The following SLC27A6 variants were observed in gnomAD, a reference collection of about 807,000 sequenced individuals.
SLC27A6 encodes the protein long-chain fatty acid transport protein 6.
Under a neutral mutation model 63.9 loss-of-function variants are expected in SLC27A6, and 74 were observed. That is an observed-to-expected ratio of 1.16 (90% confidence interval 0.96 to 1.40). SLC27A6 has a LOEUF of 1.40. SLC27A6 is among the 40% of genes most tolerant of loss of function. The pLI is 0.00. For synonymous variants in SLC27A6, 287 were observed against 260.8 expected, an observed-to-expected ratio of 1.10 and a Z score of -0.97; for missense variants, 794 against 732.9, an observed-to-expected ratio of 1.08 and a Z score of -0.96.
At chr5:128,999,957 C>T (rs2150141359) in intron 4 of SLC27A6, among the ~76,000 whole-genome samples, 1 of 152,270 alleles carries the variant, frequency 6.6e-6, no homozygotes, top group East Asian at 1.9e-4. Context: ...CCAAAAATGG[C>T]TGGAGAGCAG....
chr5:129,008,865 ATT>A (rs777633985), intron 4 of SLC27A6, among the ~76,000 whole-genome samples: 7,488 of 122,696 alleles, frequency 0.061, 204 homozygotes, highest in Non-Finnish European at 0.08. Context: ...TTTTCAATTG[ATT>A]TTTTTTTTTT....
intron 4 of SLC27A6, among the ~76,000 whole-genome samples, chr5:128,995,332 T>C (rs1197402959): frequency 6.6e-6 from 1 of 152,176 alleles, no homozygotes; most frequent in African/African-American, 2.4e-5. Context: ...CCTCATTCAT[T>C]CATTCATTCA....
chr5:129,025,339 G>A (rs768595722), intron 6 of SLC27A6, among the ~76,000 whole-genome samples: 15 of 151,944 alleles, frequency 9.9e-5, no homozygotes, highest in Non-Finnish European at 1.9e-4. Context: ...AAAAAAAAAC[G>A]TAAGTTTTAA....
At chr5:129,030,785 A>G (rs1014645346) in intron 9 of SLC27A6, among the ~76,000 whole-genome samples, 1 of 152,106 alleles carries the variant, frequency 6.6e-6, no homozygotes, top group Non-Finnish European at 1.5e-5. Context: ...GGATGTTAAC[A>G]TAATCTACCC....
At chr5:129,002,098 T>C (rs1175726533) in intron 4 of SLC27A6, among the ~76,000 whole-genome samples, 1 of 152,202 alleles carries the variant, frequency 6.6e-6, no homozygotes, top group Non-Finnish European at 1.5e-5. Context: ...GGGAAATATC[T>C]ATTGAAATCC....
chr5:129,005,526 A>G (rs1038877869), intron 4 of SLC27A6, among the ~76,000 whole-genome samples: 8 of 151,850 alleles, frequency 5.3e-5, no homozygotes, highest in African/African-American at 1.9e-4. Context: ...TTTGTGGGTT[A>G]TACTGTCTTT....
intron 4 of SLC27A6, among the ~76,000 whole-genome samples, chr5:129,003,967 C>CA (rs779667758): frequency 0.15 from 10,236 of 68,812 alleles, 926 homozygotes; most frequent in African/African-American, 0.31. Context: ...GACCCTGTCT[C>CA]AAAAAAAAAA....
intron 1 of SLC27A6, among the ~76,000 whole-genome samples, chr5:128,968,088 A>G (rs1363413703): frequency 6.6e-6 from 1 of 152,200 alleles, no homozygotes; most frequent in Non-Finnish European, 1.5e-5. Flanking sequence ...AAAGGACATG[A>G]ACTCATCCTT....
chr5:129,007,510 G>A (rs940065109), intron 4 of SLC27A6, among the ~76,000 whole-genome samples: 5 of 148,266 alleles, frequency 3.4e-5, no homozygotes, highest in Non-Finnish European at 6.0e-5. Context: ...ACAAATGCTC[G>A]TAACTATTTT....
intron 6 of SLC27A6, among the ~76,000 whole-genome samples, chr5:129,024,660 T>C (rs1752178159): frequency 6.6e-6 from 1 of 152,148 alleles, no homozygotes; most frequent in South Asian, 2.1e-4. Flanking sequence ...TTCAATTAAC[T>C]TGCTGCTGCA....
chr5:129,006,039 A>G (rs548671455), intron 4 of SLC27A6, among the ~76,000 whole-genome samples: 156 of 142,504 alleles, frequency 1.1e-3, no homozygotes, highest in African/African-American at 4.0e-3. Context: ...TATGTATTCC[A>G]TATAGGTAAA....
At chr5:128,975,652 T>C (rs1245574304) in intron 1 of SLC27A6, among the ~76,000 whole-genome samples, 1 of 152,190 alleles carries the variant, frequency 6.6e-6, no homozygotes, top group Non-Finnish European at 1.5e-5. Flanking sequence ...TTGACCAAAA[T>C]ATCATTATCA....
intron 1 of SLC27A6, among the ~76,000 whole-genome samples, chr5:128,979,782 A>T (rs1750521339): frequency 6.6e-6 from 1 of 152,242 alleles, no homozygotes; most frequent in Admixed American, 6.5e-5. Flanking sequence ...AAATGTGGGA[A>T]CAACTGAGAG....
intron 9 of SLC27A6, among the ~76,000 whole-genome samples, chr5:129,031,045 G>GT (rs921199316): frequency 2.0e-5 from 3 of 151,766 alleles, no homozygotes; most frequent in Non-Finnish European, 4.4e-5. Context: ...TATTTTAAGA[G>GT]TTTTTTTCCA....
At chr5:129,031,773 A>G (rs1048945315) in intron 9 of SLC27A6, among the ~76,000 whole-genome samples, 21 of 151,998 alleles carry the variant, frequency 1.4e-4, no homozygotes, top group Non-Finnish European at 2.2e-4. Flanking sequence ...TACTTTGTAT[A>G]ATATTAAGCT....
intron 4 of SLC27A6, among the ~76,000 whole-genome samples, chr5:129,012,417 C>T (rs1751756139): frequency 6.6e-6 from 1 of 151,398 alleles, no homozygotes; most frequent in Middle Eastern, 3.4e-3. Context: ...GTTTCATGGC[C>T]ACTTGAAAAA....
rs912465439 is a variant in SLC27A6 at position 128,988,692 on chromosome 5, T to C, written c.778T>C (p.Tyr260His). The part of the protein sequence containing the change: ...AFGCTAHDIV[Y>H]ITLPLYHSSA... ...TGGTTGTACTGCTCATGACATTGTT[T>C]ATATAACCCTTCCTCTGTATCATAG... Residue 260 changes from tyrosine to histidine, a missense_variant, in exon 3 of 10, where the codon TAT (tyrosine) becomes CAT (histidine). Coordinates refer to ENST00000262462, the MANE Select transcript of SLC27A6 (RefSeq NM_001017372.3). The C allele has an allele frequency of 1.4e-5, 23 of 1,613,834 alleles. 1 individual carries two copies. In the Admixed American group the frequency reaches 2.7e-4, roughly 19 times the overall value.
chr5:129,017,793 T>C (rs1391637480), intron 5 of SLC27A6, among the ~76,000 whole-genome samples: 1 of 152,156 alleles, frequency 6.6e-6, no homozygotes, highest in African/African-American at 2.4e-5. Context: ...TTACTAGTAT[T>C]GACTCAAGAA....
At chr5:129,000,521 G>C (rs187339040) in intron 4 of SLC27A6, among the ~76,000 whole-genome samples, 1 of 152,142 alleles carries the variant, frequency 6.6e-6, no homozygotes, top group Non-Finnish European at 1.5e-5. Context: ...TCTACAGAAC[G>C]TTGGTGTTTC....
Sources: allele counts gnomAD v4.1 joint callset (sites outside exome capture counted in the v4.1 genomes callset), GRCh38; gene constraint gnomAD v4.1.1; transcripts MANE v1.5; gene names NCBI Gene and HGNC (gene_info 2026-07-23, HGNC 2026-07-21).